LRRC4C: variants seen among roughly 807,000 people sequenced by gnomAD.
LRRC4C encodes leucine-rich repeat-containing protein 4C.
Under a neutral mutation model 33.6 loss-of-function variants are expected in LRRC4C, and 5 were observed. The observed-to-expected ratio is 0.15, with a 90% CI of 0.08 to 0.31. The LOEUF (loss-of-function observed/expected upper bound fraction) is 0.31. LRRC4C is among the 10% of genes least tolerant of loss of function. LRRC4C has a pLI of 1.00. For missense variants in LRRC4C, 560 were observed against 796.7 expected, an observed-to-expected ratio of 0.70 and a Z score of 3.58; for synonymous variants, 329 against 302.0, an observed-to-expected ratio of 1.09 and a Z score of -0.93.
chr11:41,261,377 A>G (rs1948977495), intron 1 of LRRC4C, among the ~76,000 whole-genome samples: 1 of 152,008 alleles, frequency 6.6e-6, no homozygotes, highest in South Asian at 2.1e-4. Flanking sequence ...TTTTTGTAGC[A>G]GTAGGAACAT....
At chr11:41,417,946 G>T (rs994554682) in intron 1 of LRRC4C, among the ~76,000 whole-genome samples, 4 of 134,992 alleles carry the variant, frequency 3.0e-5, no homozygotes, top group African/African-American at 1.0e-4. Context: ...ATATATATAC[G>T]TATATATACA....
chr11:40,225,866 G>A (rs1050472189), intron 5 of LRRC4C, among the ~76,000 whole-genome samples: 2 of 152,094 alleles, frequency 1.3e-5, no homozygotes, highest in Non-Finnish European at 2.9e-5. Flanking sequence ...TGATCCGCCC[G>A]CCTCGGCCTC....
intron 4 of LRRC4C, among the ~76,000 whole-genome samples, chr11:40,262,662 T>C (rs563216961): frequency 6.6e-6 from 1 of 152,182 alleles, no homozygotes; most frequent in East Asian, 1.9e-4. Context: ...ATAAAAAGGA[T>C]GAGTTCATGT....
At chr11:40,325,069 T>A (rs186805541) in intron 3 of LRRC4C, among the ~76,000 whole-genome samples, 142 of 152,268 alleles carry the variant, frequency 9.3e-4, no homozygotes, top group African/African-American at 3.3e-3. Context: ...TTATTATTAG[T>A]CTTCTATGAA....
chr11:41,375,917 C>T (rs935340036), intron 1 of LRRC4C, among the ~76,000 whole-genome samples: 1 of 151,808 alleles, frequency 6.6e-6, no homozygotes, highest in Non-Finnish European at 1.5e-5. Context: ...GTATGGCGTT[C>T]ACACTAACTT....
At chr11:41,447,488 A>T (rs185316926) in intron 1 of LRRC4C, among the ~76,000 whole-genome samples, 18 of 152,322 alleles carry the variant, frequency 1.2e-4, no homozygotes, top group African/African-American at 4.3e-4. Context: ...TTAGAATCCC[A>T]TGGAAGTTGG....
chr11:41,008,181 T>TC, intron 1 of LRRC4C, among the ~76,000 whole-genome samples: 1 of 152,092 alleles, frequency 6.6e-6, no homozygotes, highest in East Asian at 1.9e-4. Context: ...CCTCAAATGC[T>TC]TTTCTTCTTC....
chr11:40,943,930 T>A (rs1184190711), intron 1 of LRRC4C, among the ~76,000 whole-genome samples: 1 of 152,228 alleles, frequency 6.6e-6, no homozygotes, highest in African/African-American at 2.4e-5. Flanking sequence ...GACTTGATTT[T>A]AATCCATGTT....
At chr11:40,289,404 AT>A (rs1944047504) in intron 4 of LRRC4C, among the ~76,000 whole-genome samples, 1 of 152,206 alleles carries the variant, frequency 6.6e-6, no homozygotes, top group Non-Finnish European at 1.5e-5. Flanking sequence ...AATTAAAAGT[AT>A]TGTTCAAAGG....
At chr11:41,448,899 C>A (rs1200702603) in intron 1 of LRRC4C, among the ~76,000 whole-genome samples, 1 of 152,154 alleles carries the variant, frequency 6.6e-6, no homozygotes, top group Non-Finnish European at 1.5e-5. Context: ...GTGCTGAATA[C>A]AAGCTAGTTG....
At chr11:41,075,022 T>TATTTTA (rs1565359425) in intron 1 of LRRC4C, among the ~76,000 whole-genome samples, 1 of 25,876 alleles carries the variant, frequency 3.9e-5, no homozygotes, top group African/African-American at 1.3e-4. Context: ...TTCTTTTTTT[T>TATTTTA]TTTTTTTTTT....
chr11:40,577,235 C>T (rs1958230476), intron 3 of LRRC4C, among the ~76,000 whole-genome samples: 1 of 152,236 alleles, frequency 6.6e-6, no homozygotes, highest in Admixed American at 6.5e-5. Context: ...AGGTCCAATT[C>T]TTCTTTACCT....
At chr11:40,518,379 C>A (rs1011856800) in intron 3 of LRRC4C, among the ~76,000 whole-genome samples, 1 of 151,946 alleles carries the variant, frequency 6.6e-6, no homozygotes, top group Non-Finnish European at 1.5e-5. Context: ...AAGGCTAATA[C>A]CCAGAATCTA....
At chr11:40,347,707 C>T (rs996161164) in intron 3 of LRRC4C, among the ~76,000 whole-genome samples, 2 of 152,176 alleles carry the variant, frequency 1.3e-5, no homozygotes, top group East Asian at 3.9e-4. Context: ...CTCCGGGGTT[C>T]GAGCGATTCT....
intron 1 of LRRC4C, among the ~76,000 whole-genome samples, chr11:41,390,180 C>T (rs550381005): frequency 1.1e-4 from 17 of 151,974 alleles, no homozygotes; most frequent in Middle Eastern, 3.4e-3. Flanking sequence ...GTTGAGATAA[C>T]CTGATCTGCT....
chr11:40,234,082 G>A (rs1441425162), intron 5 of LRRC4C, among the ~76,000 whole-genome samples: 2 of 152,158 alleles, frequency 1.3e-5, no homozygotes, highest in Non-Finnish European at 2.9e-5. Flanking sequence ...CAGGAGACAC[G>A]ATTCAAAATA....
intron 1 of LRRC4C, among the ~76,000 whole-genome samples, chr11:40,959,324 G>C (rs979707448): frequency 6.6e-6 from 1 of 151,566 alleles, no homozygotes; most frequent in African/African-American, 2.4e-5. Context: ...ATCCTAGTTT[G>C]TCCAGAATAT....
chr11:40,846,492 G>A (rs1184444074), intron 2 of LRRC4C, among the ~76,000 whole-genome samples: 2 of 152,128 alleles, frequency 1.3e-5, no homozygotes, highest in African/African-American at 4.8e-5. Context: ...GGTTGTAAAT[G>A]TGTGGTGTTA....
At chr11:40,684,453 T>C (rs991431427) in intron 2 of LRRC4C, among the ~76,000 whole-genome samples, 2 of 151,860 alleles carry the variant, frequency 1.3e-5, no homozygotes, top group Admixed American at 6.6e-5. Flanking sequence ...GGTAAATGCA[T>C]AAAAGATATT....
Sources: allele counts gnomAD v4.1 joint callset (sites outside exome capture counted in the v4.1 genomes callset), GRCh38; gene constraint gnomAD v4.1.1; transcripts MANE v1.5; gene names NCBI Gene and HGNC (gene_info 2026-07-23, HGNC 2026-07-21).